POC5: variants seen among roughly 807,000 people sequenced by gnomAD.
POC5 encodes centrosomal protein POC5.
Under a neutral mutation model 62.9 loss-of-function variants are expected in POC5, and 48 were observed. That is an observed-to-expected ratio of 0.76 (90% CI 0.61 to 0.97). POC5 has a LOEUF of 0.97. Ranked by LOEUF, POC5 falls within the 50% of genes least tolerant of loss-of-function variation. POC5 has a pLI of 0.00. For synonymous variants in POC5, 236 were observed against 228.2 expected, an observed-to-expected ratio of 1.03 and a Z score of -0.31; for missense variants, 696 against 679.5, an observed-to-expected ratio of 1.02 and a Z score of -0.27.
At position 75,695,676 on chromosome 5, in the gene POC5, C is replaced by CA. The variant is rs200408272; in HGVS notation, c.514-846dup. ...TAATAATAGCAAAAAAAACAAAAAA[C>CA]AAAAAAACAAACAAAAAAAAGTGGG... On this transcript the variant is annotated intron_variant, in intron 5 of 11. Transcript: ENST00000428202. 6.4e-3 allele frequency among the ~76,000 whole-genome samples: 966 copies of CA among 151,746 alleles called. 11 individuals carry two copies. Among genetic ancestry groups the CA allele is most frequent in the African/African-American group, 0.022 (905 of 41,386 alleles).
chr5:75,711,146 T>C (rs1295160172), intron 2 of POC5, among the ~76,000 whole-genome samples: 2 of 152,200 alleles, frequency 1.3e-5, no homozygotes, highest in African/African-American at 2.4e-5. Context: ...GTTTCATATA[T>C]GTAGACACAA....
In POC5 at chr5:75,685,342, G is replaced by A. The variant is rs35898774; in HGVS notation, c.1272C>T (p.Val424=). 8,234 of 1,614,014 alleles carry A rather than the reference G, an allele frequency of 5.1e-3. 32 individuals carry two copies. The highest frequency in any genetic ancestry group is 6.3e-3 in the Non-Finnish European group (7,432 of 1,179,890). ...SPLLPSPPAA[V]GGASATAVPS... The stretch of plus-strand genomic sequence containing the variant: ...GAACGGCAGTCGCGCTGGCTCCTCC[G>A]ACGGCGGCTGGTGGGGATGGCAGCA... The change falls in exon 10 of 12, where the codon GTC becomes GTT. Residue 424 remains valine (V), a synonymous_variant. Coordinates refer to ENST00000428202, the MANE Select transcript of POC5 (RefSeq NM_001099271.2).
At chr5:75,703,970 A>T (rs1777012508) in intron 4 of POC5, among the ~76,000 whole-genome samples, 2 of 152,026 alleles carry the variant, frequency 1.3e-5, no homozygotes, top group Non-Finnish European at 2.9e-5. Context: ...CCTGGCCAAC[A>T]TGGTAAAACC....
chr5:75,689,667 A>G, intron 8 of POC5: 2 of 985,350 alleles, frequency 2.0e-6, no homozygotes, highest in South Asian at 9.4e-5. Flanking sequence ...CATTTTTTGC[A>G]TGTCGTAGTG....
chr5:75,711,016 T>G (rs910445737), intron 2 of POC5, among the ~76,000 whole-genome samples: 1 of 152,194 alleles, frequency 6.6e-6, no homozygotes, highest in Non-Finnish European at 1.5e-5. Flanking sequence ...TTTACCACAA[T>G]TGCTATGGCT....
chr5:75,693,108 C>T (rs1052849933), intron 6 of POC5, among the ~76,000 whole-genome samples: 1 of 144,968 alleles, frequency 6.9e-6, no homozygotes, highest in African/African-American at 2.5e-5. Context: ...ATATGTCATA[C>T]ATAAAATGTT....
chr5:75,685,582 A>G lies in POC5; in HGVS notation c.1130-98T>C, dbSNP rs577111822. On this transcript the variant is annotated intron_variant, in intron 9 of 11. Transcript: ENST00000428202. ...CACATACTGGCTAAAGTTTGGTCCT[A>G]ACAAAAATTTAGATGTTTACAGTAT... 2.5e-4 allele frequency: 316 copies of G among 1,286,092 alleles called. No homozygotes were observed. The African/African-American group carries it at 4.2e-3, about 17-fold the overall frequency. 79.7% of individuals were successfully genotyped at this position (1,286,092 alleles called of 1,614,324 possible).
At chr5:75,707,690 C>G (rs1777181276) in intron 3 of POC5, 47 bp downstream of exon 3, 1 of 1,379,550 alleles carries the variant, frequency 7.2e-7, no homozygotes, top group African/African-American at 1.5e-5. Context: ...CATTAATAAA[C>G]TCAGTAATAT....
intron 6 of POC5, among the ~76,000 whole-genome samples, chr5:75,693,953 G>C (rs1776450700): frequency 6.6e-6 from 1 of 152,146 alleles, no homozygotes; most frequent in Admixed American, 6.5e-5. Context: ...GATGTTTTCT[G>C]TGTTTATCAA....
chr5:75,702,695 G>A lies in POC5; in HGVS notation c.423C>T (p.Ala141=). The A allele has an allele frequency of 6.2e-7, 1 of 1,611,158 alleles. No individual in the cohort carries two copies. The highest frequency in any genetic ancestry group is 8.5e-7 in the Non-Finnish European group (1 of 1,178,650). The change falls in exon 5 of 12, where the codon GCC becomes GCT. Residue 141 remains alanine, a synonymous_variant. Coordinates refer to ENST00000428202, the MANE Select transcript of POC5 (RefSeq NM_001099271.2). The part of the protein sequence containing the change: ...SPATNSSHTD[A]HEILVSDFLV... ...GAAAATCGCTCACAAGTATTTCATGGGCATCTGTATGACTAGAATTTGTTG... is the reference window on the plus strand; with the variant it reads ...GAAAATCGCTCACAAGTATTTCATGAGCATCTGTATGACTAGAATTTGTTG...
intron 6 of POC5, among the ~76,000 whole-genome samples, chr5:75,694,376 T>C (rs773126729): frequency 1.3e-5 from 2 of 152,188 alleles, no homozygotes; most frequent in Non-Finnish European, 2.9e-5. Flanking sequence ...TGACAAATCA[T>C]AATAGTTTTA....
intron 2 of POC5, chr5:75,712,321 T>C: frequency 6.8e-7 from 1 of 1,478,558 alleles, no homozygotes; most frequent in Admixed American, 1.7e-5. Context: ...TATTTAGAAA[T>C]AAGAGAAATT....
chr5:75,701,548 C>T (rs1776881310), intron 5 of POC5, among the ~76,000 whole-genome samples: 1 of 131,530 alleles, frequency 7.6e-6, no homozygotes, highest in Admixed American at 8.6e-5. Flanking sequence ...GGAAGGGGAA[C>T]ATCACACTCT....
rs1015170474 is a variant in POC5 at position 75,703,349 on chromosome 5, C to T, written c.308-539G>A. ...GGTTTTAATACTATTAAAATTCGGCCGGGCGCGGTGGCTCATGCCTGTAAT... is the reference window on the plus strand; with the variant it reads ...GGTTTTAATACTATTAAAATTCGGCTGGGCGCGGTGGCTCATGCCTGTAAT... On this transcript the variant is annotated intron_variant, in intron 4 of 11. Transcript: ENST00000428202. Among the ~76,000 whole-genome samples, 5 of 151,980 alleles carry T rather than the reference C, an allele frequency of 3.3e-5. No homozygotes were observed. In the South Asian group the frequency reaches 6.2e-4, roughly 19 times the overall value.
intron 9 of POC5, among the ~76,000 whole-genome samples, chr5:75,686,541 G>A (rs185100955): frequency 1.3e-5 from 2 of 152,172 alleles, no homozygotes; most frequent in Non-Finnish European, 2.9e-5. Context: ...TGATGAAAGG[G>A]ACTAATTCAA....
intron 4 of POC5, 55 bp downstream of exon 4, chr5:75,705,649 C>A: frequency 8.9e-7 from 1 of 1,117,864 alleles, no homozygotes. Context: ...AGATAATATT[C>A]ATCAAACCAC....
intron 10 of POC5, among the ~76,000 whole-genome samples, chr5:75,681,875 T>C (rs2112084672): frequency 1.3e-5 from 2 of 152,310 alleles, no homozygotes; most frequent in Middle Eastern, 3.4e-3. Context: ...CCAACAATGA[T>C]GGTTTCACAG....
intron 2 of POC5, among the ~76,000 whole-genome samples, chr5:75,710,280 C>A (rs1179898866): frequency 2.0e-5 from 3 of 152,106 alleles, no homozygotes; most frequent in Non-Finnish European, 4.4e-5. Flanking sequence ...TCCCAAACAC[C>A]CAAAATATAC....
chr5:75,682,672 C>T (rs916654263), intron 10 of POC5, among the ~76,000 whole-genome samples: 7 of 151,828 alleles, frequency 4.6e-5, no homozygotes, highest in Admixed American at 1.3e-4. Flanking sequence ...CATGCCACCA[C>T]GCCCGGCTAA....
Sources: allele counts gnomAD v4.1 joint callset (sites outside exome capture counted in the v4.1 genomes callset), GRCh38; gene constraint gnomAD v4.1.1; transcripts MANE v1.5; gene names NCBI Gene and HGNC (gene_info 2026-07-23, HGNC 2026-07-21).